The following CCSER1 variants were observed in gnomAD, a reference collection of about 807,000 sequenced individuals.
CCSER1 encodes the protein serine-rich coiled-coil domain-containing protein 1.
A neutral mutation model predicts 82.0 loss-of-function variants in CCSER1; 41 were observed. The observed-to-expected ratio is 0.50, with a 90% CI of 0.39 to 0.65. The LOEUF (loss-of-function observed/expected upper bound fraction) is 0.65. CCSER1 is among the 30% of genes least tolerant of loss of function. The pLI is 0.00. For missense variants in CCSER1, 1,119 were observed against 1,064.2 expected, an observed-to-expected ratio of 1.05 and a Z score of -0.72; for synonymous variants, 414 against 383.9, an observed-to-expected ratio of 1.08 and a Z score of -0.92.
chr4:90,476,370 TG>T (rs149798788), intron 5 of CCSER1, among the ~76,000 whole-genome samples: 2,223 of 152,202 alleles, frequency 0.015, 35 homozygotes, highest in African/African-American at 0.043. Context: ...GCACAACCCA[TG>T]GGCTGCGGAG....
intron 8 of CCSER1, among the ~76,000 whole-genome samples, chr4:90,839,619 G>A (rs1762305108): frequency 6.6e-6 from 1 of 152,174 alleles, no homozygotes; most frequent in Admixed American, 6.5e-5. Context: ...AGCAAGAAGA[G>A]AAAGCCCACA....
intron 10 of CCSER1, among the ~76,000 whole-genome samples, chr4:91,583,976 T>C (rs1031334210): frequency 6.6e-6 from 1 of 151,540 alleles, no homozygotes; most frequent in Non-Finnish European, 1.5e-5. Context: ...CTTTGTTTGT[T>C]TCCTTACAAA....
At chr4:91,405,487 C>G (rs1463396487) in intron 10 of CCSER1, among the ~76,000 whole-genome samples, 4 of 152,180 alleles carry the variant, frequency 2.6e-5, no homozygotes. Context: ...AGAGCTTCTG[C>G]ACAGCAAAAG....
At chr4:90,130,383 G>A (rs1269259090) in intron 1 of CCSER1, among the ~76,000 whole-genome samples, 1 of 152,152 alleles carries the variant, frequency 6.6e-6, no homozygotes, top group African/African-American at 2.4e-5. Context: ...ACTGGATTTT[G>A]TTTGAGAATG....
At chr4:90,827,367 C>T (rs1760600215) in intron 8 of CCSER1, among the ~76,000 whole-genome samples, 1 of 152,180 alleles carries the variant, frequency 6.6e-6, no homozygotes, top group Non-Finnish European at 1.5e-5. Flanking sequence ...CTGGTCTGAT[C>T]AGGTTGGGAA....
chr4:91,310,330 A>C (rs1408013944), intron 10 of CCSER1, among the ~76,000 whole-genome samples: 1 of 151,540 alleles, frequency 6.6e-6, no homozygotes, highest in Admixed American at 6.6e-5. Context: ...CCAGATTGGA[A>C]GAAGAATTGT....
chr4:90,298,686 A>G (rs539168009), intron 1 of CCSER1, among the ~76,000 whole-genome samples: 10 of 152,074 alleles, frequency 6.6e-5, no homozygotes, highest in Admixed American at 3.3e-4. Flanking sequence ...AGATTCTGGT[A>G]TGTTGTGTCT....
At chr4:91,482,408 CAAAAAAAAAA>C (rs537828832) in intron 10 of CCSER1, among the ~76,000 whole-genome samples, 3 of 69,982 alleles carry the variant, frequency 4.3e-5, no homozygotes, top group East Asian at 5.4e-4. Context: ...GACTCCGTCT[CAAAAAAAAAA>C]AAAAAAAAAA....
intron 10 of CCSER1, among the ~76,000 whole-genome samples, chr4:91,591,545 T>A (rs928235962): frequency 6.6e-6 from 1 of 152,174 alleles, no homozygotes; most frequent in Non-Finnish European, 1.5e-5. Context: ...CAGTGTCAAA[T>A]GGGTCAGTCA....
intron 1 of CCSER1, among the ~76,000 whole-genome samples, chr4:90,243,318 G>A (rs981810032): frequency 5.9e-5 from 9 of 151,818 alleles, no homozygotes; most frequent in South Asian, 2.1e-4. Context: ...GGACAATCTA[G>A]ACTCACTGCA....
At chr4:90,585,998 C>G (rs1392109521) in intron 5 of CCSER1, among the ~76,000 whole-genome samples, 1 of 152,114 alleles carries the variant, frequency 6.6e-6, no homozygotes, top group African/African-American at 2.4e-5. Context: ...ATGATGTCTA[C>G]TTAGATGTCC....
chr4:90,832,375 A>G (rs1183705357), intron 8 of CCSER1, among the ~76,000 whole-genome samples: 2 of 152,092 alleles, frequency 1.3e-5, no homozygotes, highest in African/African-American at 4.8e-5. Context: ...GCTGCAGTGA[A>G]TGAGCAAGCT....
intron 10 of CCSER1, among the ~76,000 whole-genome samples, chr4:91,299,354 T>C (rs1035013438): frequency 1.3e-5 from 2 of 152,068 alleles, no homozygotes; most frequent in African/African-American, 4.8e-5. Flanking sequence ...TGAGAAATTA[T>C]TGTTTGACTT....
chr4:90,472,880 T>C (rs1163054428), intron 5 of CCSER1, among the ~76,000 whole-genome samples: 2 of 151,544 alleles, frequency 1.3e-5, no homozygotes, highest in African/African-American at 2.4e-5. Flanking sequence ...TAAAAAAGAG[T>C]GAAATCATGT....
chr4:91,315,542 C>T (rs916886189), intron 10 of CCSER1, among the ~76,000 whole-genome samples: 1 of 151,858 alleles, frequency 6.6e-6, no homozygotes, highest in African/African-American at 2.4e-5. Context: ...TTTCTATAGG[C>T]AAGGCACTGT....
At chr4:90,975,743 T>C (rs1225473077) in intron 9 of CCSER1, among the ~76,000 whole-genome samples, 1 of 151,352 alleles carries the variant, frequency 6.6e-6, no homozygotes, top group African/African-American at 2.4e-5. Context: ...TTATTACCAA[T>C]GTGTTTTTAC....
chr4:91,380,500 A>G (rs1391653609), intron 10 of CCSER1, among the ~76,000 whole-genome samples: 3 of 152,120 alleles, frequency 2.0e-5, no homozygotes, highest in South Asian at 2.1e-4. Flanking sequence ...ACCGTTATGT[A>G]ATGTCCTTCT....
intron 6 of CCSER1, chr4:90,683,107 A>G (rs1734188287): frequency 6.6e-6 from 1 of 152,270 alleles, no homozygotes; most frequent in South Asian, 2.1e-4. Context: ...AGAAAAGATG[A>G]GAGATTAAGA....
chr4:91,081,670 T>G (rs1013668866), intron 9 of CCSER1, among the ~76,000 whole-genome samples: 9 of 152,202 alleles, frequency 5.9e-5, no homozygotes, highest in African/African-American at 2.2e-4. Flanking sequence ...AACCCCATCA[T>G]CTGAGCCCAA....
Sources: allele counts gnomAD v4.1 joint callset (sites outside exome capture counted in the v4.1 genomes callset), GRCh38; gene constraint gnomAD v4.1.1; transcripts MANE v1.5; gene names NCBI Gene and HGNC (gene_info 2026-07-23, HGNC 2026-07-21).